The following CNTN5 variants were observed in gnomAD, a reference collection of about 807,000 sequenced individuals.
CNTN5 encodes the protein contactin-5.
CNTN5 carries 77 observed loss-of-function variants against 129.1 expected under a neutral mutation model. That is an observed-to-expected ratio of 0.60 (90% CI 0.50 to 0.72). CNTN5 has a LOEUF of 0.72. Among genes scored for constraint, CNTN5 ranks in the 30% least tolerant of loss-of-function variants. The pLI is 0.00. For missense variants in CNTN5, 1,478 were observed against 1,328.8 expected (o/e 1.11, Z -1.75); for synonymous variants, 509 against 465.6 (o/e 1.09, Z -1.20).
At chr11:99,591,496 C>T (rs1206574961) in intron 3 of CNTN5, among the ~76,000 whole-genome samples, 3 of 151,910 alleles carry the variant, frequency 2.0e-5, no homozygotes, top group Admixed American at 2.0e-4. Context: ...TGCCACCATG[C>T]CCGGCTAATT....
chr11:99,543,642 G>A (rs1212977742), intron 2 of CNTN5, among the ~76,000 whole-genome samples: 1 of 152,148 alleles, frequency 6.6e-6, no homozygotes. Context: ...ATTAGGCCGG[G>A]TGCGGTGGCT....
intron 3 of CNTN5, among the ~76,000 whole-genome samples, chr11:99,645,036 G>A (rs1951901969): frequency 6.6e-6 from 1 of 151,352 alleles, no homozygotes; most frequent in Non-Finnish European, 1.5e-5. Context: ...GGAGGCTGAG[G>A]CAGGTGAATC....
chr11:99,949,683 A>G (rs1190439695), intron 7 of CNTN5, among the ~76,000 whole-genome samples: 1 of 152,318 alleles, frequency 6.6e-6, no homozygotes, highest in South Asian at 2.1e-4. Context: ...AGGGTTAGCA[A>G]TGACCTTTAT....
intron 1 of CNTN5, among the ~76,000 whole-genome samples, chr11:99,195,181 C>T (rs189631618): frequency 5.2e-4 from 79 of 152,104 alleles, no homozygotes; most frequent in African/African-American, 1.7e-3. Flanking sequence ...TTATTTTTAA[C>T]TTATTCCTTA....
chr11:99,177,937 G>A (rs530113918), intron 1 of CNTN5, among the ~76,000 whole-genome samples: 2 of 152,276 alleles, frequency 1.3e-5, no homozygotes, highest in Non-Finnish European at 2.9e-5. Flanking sequence ...AGCAGCAGCA[G>A]TCAACTTTGT....
chr11:99,703,539 C>T (rs574393422), intron 3 of CNTN5, among the ~76,000 whole-genome samples: 4 of 150,806 alleles, frequency 2.7e-5, no homozygotes, highest in South Asian at 2.1e-4. Context: ...AATAGTCTTA[C>T]GAGGTAAGTG....
chr11:100,213,806 G>C (rs897233555), intron 15 of CNTN5, among the ~76,000 whole-genome samples: 5 of 152,096 alleles, frequency 3.3e-5, no homozygotes, highest in Admixed American at 6.6e-5. Flanking sequence ...TCAATTCTAA[G>C]TATTTTTGAA....
At chr11:99,669,508 G>T (rs907176247) in intron 3 of CNTN5, among the ~76,000 whole-genome samples, 9 of 151,370 alleles carry the variant, frequency 5.9e-5, no homozygotes, top group African/African-American at 2.2e-4. Flanking sequence ...ATATTTTTAT[G>T]CTAGATAATA....
chr11:99,141,964 T>C (rs1859536271), intron 1 of CNTN5, among the ~76,000 whole-genome samples: 1 of 152,196 alleles, frequency 6.6e-6, no homozygotes, highest in Admixed American at 6.5e-5. Flanking sequence ...TATTCTTTCG[T>C]TGTTTGGTGC....
chr11:99,065,807 A>C (rs1865079216), intron 1 of CNTN5, among the ~76,000 whole-genome samples: 1 of 152,190 alleles, frequency 6.6e-6, no homozygotes, highest in South Asian at 2.1e-4. Context: ...TCTTTTTATA[A>C]AGTTAAAGTT....
chr11:99,046,447 A>G (rs1235691125), intron 1 of CNTN5, among the ~76,000 whole-genome samples: 1 of 152,184 alleles, frequency 6.6e-6, no homozygotes, highest in Non-Finnish European at 1.5e-5. Flanking sequence ...TGTACATTAT[A>G]AATAAAACTT....
intron 6 of CNTN5, among the ~76,000 whole-genome samples, 171 bp downstream of exon 6, chr11:99,845,433 C>T (rs1001365417): frequency 2.6e-5 from 3 of 114,524 alleles, no homozygotes; most frequent in African/African-American, 3.5e-5. Flanking sequence ...AGTGCAGTGG[C>T]GGGATCTCGG....
At chr11:99,309,068 C>G (rs1271167388) in intron 1 of CNTN5, among the ~76,000 whole-genome samples, 1 of 152,040 alleles carries the variant, frequency 6.6e-6, no homozygotes, top group South Asian at 2.1e-4. Context: ...CTTTAATATG[C>G]TAGTCATAGT....
intron 1 of CNTN5, among the ~76,000 whole-genome samples, chr11:99,301,576 G>A (rs1182858979): frequency 6.6e-6 from 1 of 151,710 alleles, no homozygotes; most frequent in Non-Finnish European, 1.5e-5. Context: ...TGACAACAGG[G>A]TCTCAAAATA....
chr11:99,989,341 A>C (rs941467785), intron 8 of CNTN5, among the ~76,000 whole-genome samples: 1 of 152,112 alleles, frequency 6.6e-6, no homozygotes, highest in African/African-American at 2.4e-5. Flanking sequence ...TTTGCTTTCA[A>C]AGAAGTGTTA....
At chr11:99,850,405 C>T (rs948796858) in intron 6 of CNTN5, among the ~76,000 whole-genome samples, 2 of 151,978 alleles carry the variant, frequency 1.3e-5, no homozygotes, top group Non-Finnish European at 2.9e-5. Context: ...GTATTGACAC[C>T]TTTTATTAAT....
At chr11:99,610,170 G>A (rs910358941) in intron 3 of CNTN5, among the ~76,000 whole-genome samples, 1 of 152,106 alleles carries the variant, frequency 6.6e-6, no homozygotes, top group Non-Finnish European at 1.5e-5. Context: ...CATAATGTAT[G>A]ACATACAGAA....
chr11:100,090,929 A>G (rs529387221), intron 13 of CNTN5, among the ~76,000 whole-genome samples: 1 of 152,150 alleles, frequency 6.6e-6, no homozygotes, highest in South Asian at 2.1e-4. Flanking sequence ...TCTGTACAGC[A>G]TTCTCTATCC....
At chr11:100,128,658 C>G (rs1946276649) in intron 13 of CNTN5, among the ~76,000 whole-genome samples, 1 of 152,054 alleles carries the variant, frequency 6.6e-6, no homozygotes, top group African/African-American at 2.4e-5. Context: ...ACATTCTTGG[C>G]TCAGAAAATA....
Sources: gnomAD v4.1 joint callset for allele counts (sites outside exome capture counted in the v4.1 genomes callset) on GRCh38, gnomAD v4.1.1 for gene constraint, MANE v1.5 for transcripts, NCBI Gene and HGNC (gene_info 2026-07-23, HGNC 2026-07-21) for gene names.